Variants in PDZD2 observed in about 807,000 individuals in gnomAD.
The protein encoded by PDZD2 is PDZ domain-containing protein 2.
In PDZD2, 90 loss-of-function variants were observed where a neutral mutation model predicts 220.7. The observed-to-expected ratio is 0.41, with a 90% CI of 0.34 to 0.49. The LOEUF (loss-of-function observed/expected upper bound fraction) is 0.49. Ranked by LOEUF, PDZD2 falls within the 20% of genes least tolerant of loss-of-function variation. PDZD2 has a pLI of 0.28. For synonymous variants in PDZD2, 1,375 were observed against 1,450.5 expected, an observed-to-expected ratio of 0.95 and a Z score of 1.18; for missense variants, 3,174 against 3,608.5, an observed-to-expected ratio of 0.88 and a Z score of 3.08.
intron 1 of PDZD2, among the ~76,000 whole-genome samples, chr5:31,649,983 C>T (rs1174734603): frequency 1.4e-5 from 2 of 140,678 alleles, no homozygotes; most frequent in Non-Finnish European, 3.1e-5. Context: ...CAGGGCAAAT[C>T]GGAAAAAATC....
chr5:31,797,574 C>T (rs1480001833), intron 1 of PDZD2, among the ~76,000 whole-genome samples: 1 of 151,954 alleles, frequency 6.6e-6, no homozygotes, highest in Non-Finnish European at 1.5e-5. Flanking sequence ...ACCTTGCGAT[C>T]CTCCCGCCTA....
chr5:32,089,068 A>G lies in PDZD2; in HGVS notation c.5620A>G (p.Thr1874Ala). The change falls in exon 20 of 25, where the codon ACT (threonine) becomes GCT (alanine). Residue 1874 changes from threonine (T) to alanine (A), a missense_variant. Physicochemically the swap from Thr to Ala is moderately conservative, Grantham distance 58 (BLOSUM62 0). Coordinates refer to ENST00000438447, the MANE Select transcript of PDZD2 (RefSeq NM_178140.4). ...SKKSPAEMLL[T>A]NGQKAKCGPK... ...GAAGAGTCCGGCAGAAATGCTTCTG[A>G]CTAATGGTCAGAAGGCAAAGTGTGG... The G allele has an allele frequency of 6.2e-7, 1 of 1,613,964 alleles. No individual in the cohort carries two copies. The highest frequency in any genetic ancestry group is 8.5e-7 in the Non-Finnish European group (1 of 1,179,984).
At position 32,046,053 on chromosome 5, in the gene PDZD2, A is replaced by G. The variant is rs373475567; in HGVS notation, c.1520-2486A>G. On this transcript the variant is annotated intron_variant, in intron 7 of 24. Transcript: ENST00000438447. ...GAGGAATCTGTATATACACACAAAC[A>G]CATATGTATATACATGTACACACGC... is the stretch of plus-strand genomic sequence containing the variant. 2.0e-5 allele frequency among the ~76,000 whole-genome samples: 3 copies of G among 152,294 alleles called. No homozygotes were observed. The East Asian group carries it at 5.8e-4, about 29-fold the overall frequency.
chr5:32,010,702 A>C, intron 6 of PDZD2: 1 of 577,710 alleles, frequency 1.7e-6, no homozygotes, highest in Non-Finnish European at 3.3e-6. Flanking sequence ...AAACAAGATA[A>C]GCAACCCAGG....
chr5:31,789,760 A>C (rs1308150941), intron 1 of PDZD2, among the ~76,000 whole-genome samples: 1 of 152,262 alleles, frequency 6.6e-6, no homozygotes, highest in East Asian at 1.9e-4. Flanking sequence ...CTCTACTAAA[A>C]ATACAAAACT....
At chr5:31,941,007 A>G (rs1046225464) in intron 2 of PDZD2, among the ~76,000 whole-genome samples, 1 of 152,196 alleles carries the variant, frequency 6.6e-6, no homozygotes, top group African/African-American at 2.4e-5. Flanking sequence ...TTCCACACAA[A>G]TCATAACAAA....
At chr5:31,722,855 A>T (rs570763273) in intron 1 of PDZD2, among the ~76,000 whole-genome samples, 57 of 152,204 alleles carry the variant, frequency 3.7e-4, no homozygotes, top group South Asian at 1.2e-3. Context: ...CACCTGGCTA[A>T]TTCTTGTATT....
At chr5:32,043,682 C>T (rs995878090) in intron 7 of PDZD2, among the ~76,000 whole-genome samples, 4 of 152,286 alleles carry the variant, frequency 2.6e-5, no homozygotes, top group Middle Eastern at 3.4e-3. Context: ...GGCTGGAGCA[C>T]GGTGGTGTGA....
At chr5:31,968,441 G>A (rs1040261141) in intron 2 of PDZD2, among the ~76,000 whole-genome samples, 2 of 152,094 alleles carry the variant, frequency 1.3e-5, no homozygotes, top group Admixed American at 6.6e-5. Context: ...ATCTCCTGAG[G>A]TTGGGAATTC....
chr5:31,683,207 TAAAAAAA>T (rs35467814), intron 1 of PDZD2, among the ~76,000 whole-genome samples: 5 of 129,056 alleles, frequency 3.9e-5, no homozygotes. Flanking sequence ...ATCAGAATGT[TAAAAAAA>T]AAAAAAAAAA....
chr5:32,004,083 C>T (rs1325764478), intron 5 of PDZD2, among the ~76,000 whole-genome samples: 2 of 139,404 alleles, frequency 1.4e-5, no homozygotes, highest in Admixed American at 7.2e-5. Context: ...AAACACAAAA[C>T]GTAAGATTAA....
chr5:31,890,001 C>A (rs1004860303), intron 2 of PDZD2, among the ~76,000 whole-genome samples: 3 of 151,734 alleles, frequency 2.0e-5, no homozygotes, highest in African/African-American at 7.3e-5. Context: ...CCAGCCTGGG[C>A]GACAGAGTGA....
chr5:31,850,243 T>TATATACAC (rs577432352), intron 2 of PDZD2, among the ~76,000 whole-genome samples: 2,569 of 122,164 alleles, frequency 0.021, 68 homozygotes, highest in African/African-American at 0.04. Context: ...TATATATATA[T>TATATACAC]ACACACACAC....
intron 6 of PDZD2, among the ~76,000 whole-genome samples, chr5:32,026,740 C>T (rs1235673201): frequency 6.6e-6 from 1 of 152,190 alleles, no homozygotes; most frequent in Non-Finnish European, 1.5e-5. Context: ...ATAGTTTTCT[C>T]ACCCACTAGG....
At chr5:32,011,169 T>C (rs1173914842) in intron 6 of PDZD2, among the ~76,000 whole-genome samples, 2 of 151,834 alleles carry the variant, frequency 1.3e-5, no homozygotes, top group African/African-American at 2.4e-5. Flanking sequence ...GATGGAGAGA[T>C]TTCTGGTTCA....
intron 3 of PDZD2, among the ~76,000 whole-genome samples, chr5:31,994,194 AT>A (rs1360062058): frequency 6.6e-6 from 1 of 150,970 alleles, no homozygotes. Flanking sequence ...ATTTTTTTAT[AT>A]TTTTAGTAGA....
At chr5:31,899,881 C>T (rs1741922540) in intron 2 of PDZD2, among the ~76,000 whole-genome samples, 1 of 152,224 alleles carries the variant, frequency 6.6e-6, no homozygotes, top group African/African-American at 2.4e-5. Context: ...ACTGTTGACA[C>T]TCAACCCGCC....
At chr5:32,041,586 A>G (rs1267747940) in intron 7 of PDZD2, among the ~76,000 whole-genome samples, 1 of 152,182 alleles carries the variant, frequency 6.6e-6, no homozygotes, top group Non-Finnish European at 1.5e-5. Flanking sequence ...ACTCAGGGTT[A>G]AATGGATTAA....
chr5:32,032,672 T>A (rs1420325104), intron 6 of PDZD2, among the ~76,000 whole-genome samples: 1 of 152,214 alleles, frequency 6.6e-6, no homozygotes, highest in East Asian at 1.9e-4. Context: ...AAATTTTCCC[T>A]GTCATGTTAG....
Sources: gnomAD v4.1 joint callset for allele counts (sites outside exome capture counted in the v4.1 genomes callset) on GRCh38, gnomAD v4.1.1 for gene constraint, MANE v1.5 for transcripts, NCBI Gene and HGNC (gene_info 2026-07-23, HGNC 2026-07-21) for gene names.